Variants in ZNF217 observed in about 807,000 individuals in gnomAD.
ZNF217 encodes the protein zinc finger protein 217.
A neutral mutation model predicts 73.3 loss-of-function variants in ZNF217; 12 were observed. The observed-to-expected ratio is 0.16, with a 90% confidence interval of 0.10 to 0.27. The LOEUF (loss-of-function observed/expected upper bound fraction) is 0.27. ZNF217 is among the 10% of genes least tolerant of loss of function. The probability of loss-of-function intolerance (pLI) is 1.00; values close to 1 mark genes in which losing one functional copy is unlikely to be tolerated. For synonymous variants in ZNF217, 588 were observed against 516.4 expected (o/e 1.14, Z -1.88); for missense variants, 1,195 against 1,327.8 (o/e 0.90, Z 1.55).
chr20:53,581,999 G>A lies in ZNF217; in HGVS notation c.828C>T (p.His276=). 1.2e-6 allele frequency: 2 copies of A among 1,614,212 alleles called. No individual in the cohort carries two copies. Among genetic ancestry groups the A allele is most frequent in the Non-Finnish European group, 1.7e-6 (2 of 1,180,042 alleles). The change falls in exon 2 of 6, where the codon CAC becomes CAT. Residue 276 remains histidine, a synonymous_variant. Transcript: ENST00000371471. The surrounding 1 kb of genome is among the most constrained non-coding windows in gnomAD (Gnocchi z 4.9). ...TGACAGGCTTCTTCCCCGTTTCAGG[G>A]TGAGATTTTGGTCTCAAGTTGAACA... The part of the protein sequence containing the change: ...LQLFNLRPKS[H]PETGKKPVRC...
chr20:53,593,682 G>A (rs1226287674), intron 1 of ZNF217, 74 bp downstream of exon 1: 3 of 151,034 alleles, frequency 2.0e-5, no homozygotes, highest in Admixed American at 2.0e-4. Flanking sequence ...GGGCGCCTCG[G>A]GGGCGGCGCG....
upstream of ZNF217, among the ~76,000 whole-genome samples, chr20:53,594,361 C>A (rs1377702127): frequency 6.7e-6 from 1 of 149,066 alleles, no homozygotes; most frequent in African/African-American, 2.4e-5. Context: ...CTGCCTTCAC[C>A]GGCCGCCCGG....
In ZNF217 at chr20:53,576,039, C is replaced by A; in HGVS notation, c.2725G>T (p.Ala909Ser). The A allele has an allele frequency of 6.2e-7, 1 of 1,614,202 alleles. No individual in the cohort carries two copies. Among genetic ancestry groups the A allele is most frequent in the Non-Finnish European group, 8.5e-7 (1 of 1,180,028 alleles). Residue 909 changes from alanine to serine, a missense_variant, in exon 4 of 6, where the codon GCA becomes TCA. Transcript: ENST00000371471. ...GGAAGGGGCTCACCAAATTCTGCTGCAGTATTGCTGGCACTCCGATTACAG... is the reference window on the plus strand; with the variant it reads ...GGAAGGGGCTCACCAAATTCTGCTGAAGTATTGCTGGCACTCCGATTACAG... Reference protein sequence around the residue: ...YFCNRSASNTAAEFGEPLPKR... With the variant: ...YFCNRSASNTSAEFGEPLPKR...
At chr20:53,572,635 C>A (rs1436948193) in intron 4 of ZNF217, 1 of 152,150 alleles carries the variant, frequency 6.6e-6, no homozygotes, top group Non-Finnish European at 1.5e-5. Context: ...GCTATCTCTA[C>A]TGAACCAATC....
At chr20:53,592,332 G>A (rs1447884835) in intron 1 of ZNF217, among the ~76,000 whole-genome samples, 5 of 151,960 alleles carry the variant, frequency 3.3e-5, no homozygotes, top group Admixed American at 2.6e-4. Flanking sequence ...GGAATTTCGA[G>A]GTAGAACAAT....
intron 2 of ZNF217, among the ~76,000 whole-genome samples, chr20:53,579,467 A>G (rs1307389921): frequency 6.6e-6 from 1 of 152,238 alleles, no homozygotes; most frequent in Admixed American, 6.5e-5. Context: ...AGATAATATA[A>G]GTTTAGGAAA....
intron 1 of ZNF217, among the ~76,000 whole-genome samples, chr20:53,589,393 C>G (rs1988804784): frequency 6.6e-6 from 1 of 152,218 alleles, no homozygotes; most frequent in African/African-American, 2.4e-5. Context: ...CTCAATTATG[C>G]TGATACCCTG....
rs1988279647 is a variant in ZNF217 at position 53,576,546 on chromosome 20, G to A, written c.2218C>T (p.His740Tyr). The change falls in exon 4 of 6, where the codon CAT (histidine) becomes TAT (tyrosine). Residue 740 changes from histidine to tyrosine, a missense_variant. His to Tyr is a moderately conservative substitution (Grantham distance 83). Coordinates refer to ENST00000371471, the MANE Select transcript of ZNF217 (RefSeq NM_006526.3). ...RLEHKYNPDV[H>Y]KNCRNKSLLR... ...AAGGACTTGTTTCGACAGTTTTTAT[G>A]AACGTCAGGATTGTATTTATGCTCC... 4 of 1,614,094 alleles carry A rather than the reference G, an allele frequency of 2.5e-6. No individual in the cohort carries two copies. Among genetic ancestry groups the A allele is most frequent in the South Asian group, 2.2e-5 (2 of 91,088 alleles).
Position 53,575,576 on chromosome 20 carries a change from G to A in ZNF217, c.3037+151C>T, listed in dbSNP as rs1268624740. 21 of 676,024 alleles carry A rather than the reference G, an allele frequency of 3.1e-5. No individual in the cohort carries two copies. The South Asian group carries it at 3.1e-4, about 10-fold the overall frequency. The allele number at this position is 676,024 out of a possible 1,614,324, so 41.9% of individuals were successfully genotyped here. A position where few individuals can be genotyped will look rare whatever the true frequency, so the allele number is the denominator to read the frequency against. ...CCTTGGAGGACCACAAACCACTGCCGTATCTAAGAATGCTTCTCTCTGTGA... is the reference window on the plus strand; with the variant it reads ...CCTTGGAGGACCACAAACCACTGCCATATCTAAGAATGCTTCTCTCTGTGA... On this transcript the variant is annotated intron_variant, in intron 4 of 5. Transcript: ENST00000371471.
chr20:53,587,625 C>T (rs1325175097), intron 1 of ZNF217, among the ~76,000 whole-genome samples: 1 of 151,934 alleles, frequency 6.6e-6, no homozygotes, highest in African/African-American at 2.4e-5. Flanking sequence ...TGTCATACTG[C>T]TAACAAAGCT....
At position 53,576,328 on chromosome 20, in the gene ZNF217, AGTGCT is replaced by A; in HGVS notation, c.2431_2435del (p.Ser811PhefsTer5). The A allele has an allele frequency of 6.2e-7, 1 of 1,614,190 alleles. No individual in the cohort carries two copies. Among genetic ancestry groups the A allele is most frequent in the Non-Finnish European group, 8.5e-7 (1 of 1,180,024 alleles). ...GGGACTTCAGGTTACTTGGGGCTAA[AGTGCT>A]AGAGTCTATCCCTGAAGTCAGAGGG... On this transcript the variant is annotated frameshift_variant, in exon 4 of 6. Coordinates refer to ENST00000371471, the MANE Select transcript of ZNF217 (RefSeq NM_006526.3). LOFTEE classifies it high-confidence loss of function.
chr20:53,593,126 AG>A (rs1184599092), intron 1 of ZNF217, among the ~76,000 whole-genome samples: 1 of 150,598 alleles, frequency 6.6e-6, no homozygotes, highest in Non-Finnish European at 1.5e-5. Context: ...TCCCGGGGAC[AG>A]ATTTTTGGGC....
At position 53,567,878 on chromosome 20, in the gene ZNF217, C is replaced by A. The variant is rs1987812882; in HGVS notation, c.*1410G>T. 1 of 152,378 alleles carries A rather than the reference C, an allele frequency of 6.6e-6. No homozygotes were observed. The highest frequency in any genetic ancestry group is 6.6e-5 in the Admixed American group (1 of 15,248). The allele number at this position is 152,378 out of a possible 1,614,324, so 9.4% of individuals were successfully genotyped here. A position where few individuals can be genotyped will look rare whatever the true frequency, so the allele number is the denominator to read the frequency against. On this transcript the variant is annotated 3_prime_UTR_variant, in exon 6 of 6. Transcript: ENST00000371471. The stretch of plus-strand genomic sequence containing the variant: ...AGGATTACCCTTGCTCTATGGAGAA[C>A]AGCGAGGCCAGAAAAATGAACAGTG...
chr20:53,569,829 T>C (rs951360655), intron 5 of ZNF217, among the ~76,000 whole-genome samples: 1 of 152,172 alleles, frequency 6.6e-6, no homozygotes, highest in African/African-American at 2.4e-5. Context: ...GCAGTTGCCA[T>C]GCACAAGAAA....
intron 1 of ZNF217, among the ~76,000 whole-genome samples, chr20:53,589,037 CT>C (rs1988795107): frequency 6.6e-6 from 1 of 152,176 alleles, no homozygotes; most frequent in Non-Finnish European, 1.5e-5. Flanking sequence ...ACTATTACTC[CT>C]AACGCTGATT....
upstream of ZNF217, among the ~76,000 whole-genome samples, chr20:53,595,046 CAAAAAAAAAAA>C (rs55752265): frequency 1.0e-3 from 106 of 105,222 alleles, no homozygotes; most frequent in African/African-American, 3.8e-3. Context: ...AAAAAAGGGA[CAAAAAAAAAAA>C]AAAAAAAACC....
intron 4 of ZNF217, chr20:53,574,785 AC>A (rs1342840711): frequency 1.4e-5 from 2 of 141,374 alleles, no homozygotes; most frequent in Non-Finnish European, 3.0e-5. Context: ...CAAGAGCAAA[AC>A]TCCGTCTCAA....
At chr20:53,583,887 A>G (rs1600725934) in intron 1 of ZNF217, among the ~76,000 whole-genome samples, 1 of 152,250 alleles carries the variant, frequency 6.6e-6, no homozygotes, top group South Asian at 2.1e-4. Context: ...TGCCTTCAAC[A>G]AGCACTGGGT....
chr20:53,576,012 T>G lies in ZNF217; in HGVS notation c.2752A>C (p.Lys918Gln), dbSNP rs775951797. 4.9e-5 allele frequency: 79 copies of G among 1,614,080 alleles called. No individual in the cohort carries two copies. The highest frequency in any genetic ancestry group is 6.2e-5 in the Non-Finnish European group (73 of 1,180,026). ...GCAACCACGCTGGACTTCAGTCTTT[T>G]TGGAAGGGGCTCACCAAATTCTGCT... is the stretch of plus-strand genomic sequence containing the variant. ...TAAEFGEPLP[K>Q]RLKSSVVALD... is the part of the protein sequence containing the mutation. Residue 918 changes from lysine (K) to glutamine (Q), a missense_variant, in exon 4 of 6, where the codon AAA becomes CAA. Lys to Gln is a moderately conservative substitution (Grantham distance 53). Transcript: ENST00000371471.
Sources: allele counts gnomAD v4.1 joint callset (sites outside exome capture counted in the v4.1 genomes callset), GRCh38; gene constraint gnomAD v4.1.1; non-coding constraint Gnocchi (gnomAD v3.1); transcripts MANE v1.5; gene names NCBI Gene and HGNC (gene_info 2026-07-23, HGNC 2026-07-21).